IGLL5: variants seen among roughly 807,000 people sequenced by gnomAD.
The protein encoded by IGLL5 is immunoglobulin lambda like polypeptide 5.
A neutral mutation model predicts 20.9 loss-of-function variants in IGLL5; 30 were observed. That is an observed-to-expected ratio of 1.44 (90% CI 1.07 to 1.95). The LOEUF is 1.95. Among genes scored for constraint, IGLL5 ranks in the 30% most tolerant of loss-of-function variants. The probability of loss-of-function intolerance (pLI) is 0.00; values close to 1 mark genes in which losing one functional copy is unlikely to be tolerated. For synonymous variants in IGLL5, 203 were observed against 117.3 expected (o/e 1.73, Z -4.72); for missense variants, 475 against 270.7 (o/e 1.75, Z -5.30).
chr22:22,888,674 AG>A (rs2067630715), intron 1 of IGLL5, among the ~76,000 whole-genome samples: 1 of 151,160 alleles, frequency 6.6e-6, no homozygotes, highest in Non-Finnish European at 1.5e-5. Context: ...CAGTGAGGGC[AG>A]GGGCCACTCC....
At chr22:22,890,276 T>G (rs2067788651) in intron 1 of IGLL5, among the ~76,000 whole-genome samples, 1 of 148,728 alleles carries the variant, frequency 6.7e-6, no homozygotes, top group Admixed American at 6.8e-5. Flanking sequence ...TCAATATACT[T>G]CCAGAACTTT....
chr22:22,889,750 G>C (rs1167828896), intron 1 of IGLL5, among the ~76,000 whole-genome samples: 1 of 151,234 alleles, frequency 6.6e-6, no homozygotes, highest in East Asian at 2.0e-4. Context: ...ACTACACCTG[G>C]CTAATTTTGA....
intron 1 of IGLL5, among the ~76,000 whole-genome samples, chr22:22,890,439 T>C: frequency 6.6e-6 from 1 of 150,640 alleles, no homozygotes; most frequent in East Asian, 2.1e-4. Flanking sequence ...TATCAGTCCA[T>C]ATGGATTAAC....
chr22:22,888,920 T>C (rs569159693), intron 1 of IGLL5, among the ~76,000 whole-genome samples: 2 of 151,194 alleles, frequency 1.3e-5, no homozygotes, highest in East Asian at 2.0e-4. Context: ...GGGCACTGGC[T>C]GGTGATGGGT....
Position 22,895,718 on chromosome 22 carries a change from C to G in IGLL5, c.*24C>G, listed in dbSNP as rs185347528. 1 of 1,610,700 alleles carries G rather than the reference C, an allele frequency of 6.2e-7. No individual in the cohort carries two copies. ...AGGTTCCCAACTCTAACCCCACCCACGGGAGCCTGGAGCTGCAGGATCCCA... is the reference window on the plus strand; with the variant it reads ...AGGTTCCCAACTCTAACCCCACCCAGGGGAGCCTGGAGCTGCAGGATCCCA... On this transcript the variant is annotated 3_prime_UTR_variant, in exon 3 of 3. Transcript: ENST00000526893.
chr22:22,894,803 G>C (rs371310925), intron 2 of IGLL5, among the ~76,000 whole-genome samples: 1 of 151,414 alleles, frequency 6.6e-6, no homozygotes, highest in Non-Finnish European at 1.5e-5. Context: ...CCTGAGGCTT[G>C]TCTAGGTGGA....
intron 2 of IGLL5, among the ~76,000 whole-genome samples, chr22:22,894,177 G>A (rs2067993319): frequency 6.6e-6 from 1 of 151,540 alleles, no homozygotes; most frequent in African/African-American, 2.4e-5. Context: ...CAAGGACAGA[G>A]GCTGCTGGGG....
At chr22:22,894,129 C>A (rs1387207319) in intron 2 of IGLL5, among the ~76,000 whole-genome samples, 2 of 151,470 alleles carry the variant, frequency 1.3e-5, no homozygotes, top group African/African-American at 2.4e-5. Flanking sequence ...AGGGGCCCTG[C>A]AGTGTCCTTA....
Position 22,893,709 on chromosome 22 carries a change from C to G in IGLL5, c.216C>G (p.Leu72=). 2 of 1,606,488 alleles carry G rather than the reference C, an allele frequency of 1.2e-6. No individual in the cohort carries two copies. Among genetic ancestry groups the G allele is most frequent in the Non-Finnish European group, 1.7e-6 (2 of 1,176,404 alleles). ...CCGTCATGCCCAGCAGGCTCCTGCT[C>G]CAGCCCAGCCCCCAGAGAGCAGACC... The part of the protein sequence containing the change: ...SLRSLWGRLL[L]QPSPQRADPR... Residue 72 remains leucine, a synonymous_variant, in exon 2 of 3, where the codon CTC becomes CTG. Transcript: ENST00000526893.
chr22:22,888,332 A>T (rs2067583093), intron 1 of IGLL5, 73 bp downstream of exon 1: 4 of 1,416,284 alleles, frequency 2.8e-6, no homozygotes, highest in African/African-American at 2.9e-5. Context: ...AAGGGGAGAC[A>T]AGCCAGAGGA....
At chr22:22,888,729 G>C (rs569299237) in intron 1 of IGLL5, among the ~76,000 whole-genome samples, 2 of 151,394 alleles carry the variant, frequency 1.3e-5, no homozygotes, top group East Asian at 2.0e-4. Context: ...CCCCAAGGCT[G>C]TCTGTTCACC....
rs1479264461 is a variant in IGLL5 at position 22,890,593 on chromosome 22, GTGTGTGTA to G, written c.206+2340_206+2347del. ...TGTGTGTGTGTGTGTGTGTGTGTGT[GTGTGTGTA>G]TGTGTACAAAGTGCACTTATATATC... is the stretch of plus-strand genomic sequence containing the variant. On this transcript the variant is annotated intron_variant, in intron 1 of 2. Coordinates refer to ENST00000526893, the MANE Select transcript of IGLL5 (RefSeq NM_001178126.2). Among the ~76,000 whole-genome samples the G allele has an allele frequency of 3.3e-3, 447 of 135,350 alleles. 4 individuals are homozygous for G. Among genetic ancestry groups the G allele is most frequent in the African/African-American group, 9.8e-3 (318 of 32,480 alleles). 88.8% of individuals were successfully genotyped at this position (135,350 alleles called of 152,430 possible).
At chr22:22,893,851 C>T (rs766301467) in intron 2 of IGLL5, 33 bp downstream of exon 2, 1 of 1,388,446 alleles carries the variant, frequency 7.2e-7, no homozygotes, top group Non-Finnish European at 1.0e-6. Context: ...CAGCCTGTCT[C>T]ACCCTCTGCT....
chr22:22,888,646 G>A (rs1488361564), intron 1 of IGLL5, among the ~76,000 whole-genome samples: 1 of 151,252 alleles, frequency 6.6e-6, no homozygotes, highest in Admixed American at 6.6e-5. Flanking sequence ...CCTCCTCTCT[G>A]CCCATGTGCC....
At chr22:22,894,310 G>T (rs1023795682) in intron 2 of IGLL5, among the ~76,000 whole-genome samples, 1 of 151,426 alleles carries the variant, frequency 6.6e-6, no homozygotes, top group Middle Eastern at 3.7e-3. Context: ...TGACACAGAG[G>T]TCACCCCAAG....
chr22:22,890,312 AACACACACACACAC>A (rs372346670), intron 1 of IGLL5, among the ~76,000 whole-genome samples: 4 of 123,740 alleles, frequency 3.2e-5, no homozygotes, highest in South Asian at 2.9e-4. Context: ...TGTCCCTGAA[AACACACACACACAC>A]ACACACACAC....
chr22:22,895,556 G>A lies in IGLL5; in HGVS notation c.507G>A (p.Gln169=), dbSNP rs370560112. The part of the protein sequence containing the change: ...AGVETTKPSK[Q]SNNKYAASSY... The stretch of plus-strand genomic sequence containing the variant: ...TGGAGACCACCAAACCCTCCAAACA[G>A]AGCAACAACAAGTACGCGGCCAGCA... The change falls in exon 3 of 3, where the codon CAG becomes CAA. Residue 169 remains glutamine, a synonymous_variant. Coordinates refer to ENST00000526893, the MANE Select transcript of IGLL5 (RefSeq NM_001178126.2). 440 of 1,612,892 alleles carry A rather than the reference G, an allele frequency of 2.7e-4. 5 individuals are homozygous for A. Among genetic ancestry groups the A allele is most frequent in the South Asian group, 2.1e-3 (192 of 91,024 alleles).
chr22:22,888,432 A>G (rs570251859), intron 1 of IGLL5, among the ~76,000 whole-genome samples, 173 bp downstream of exon 1: 3 of 151,380 alleles, frequency 2.0e-5, no homozygotes, highest in East Asian at 4.0e-4. Context: ...GATTTGTTTG[A>G]ATTACTGTTT....
In IGLL5 at chr22:22,888,099, C is replaced by T. The variant is rs564743210; in HGVS notation, c.46C>T (p.Leu16=). ...AGTGGGTTGTGAGACCCCTGAGGAG[C>T]TGGGCCCTGGTCCCAGGCAGCGCTG... The part of the protein sequence containing the change: ...GQVGCETPEE[L]GPGPRQRWPL... The change falls in exon 1 of 3, where the codon CTG becomes TTG. Residue 16 remains leucine (L), a synonymous_variant. Transcript: ENST00000526893. 1.9e-5 allele frequency: 30 copies of T among 1,549,332 alleles called. No individual in the cohort carries two copies. The highest frequency in any genetic ancestry group is 8.2e-5 in the African/African-American group (6 of 72,924).
Sources: allele counts gnomAD v4.1 joint callset (sites outside exome capture counted in the v4.1 genomes callset), GRCh38; gene constraint gnomAD v4.1.1; transcripts MANE v1.5; gene names NCBI Gene and HGNC (gene_info 2026-07-23, HGNC 2026-07-21).